Variants in DIPK2B observed in about 807,000 individuals in gnomAD.
DIPK2B encodes the protein UPF0672 protein CXorf36.
In DIPK2B, 15 loss-of-function variants were observed where a neutral mutation model predicts 22.2. The ratio of observed to expected loss-of-function variants is 0.68; its 90% CI spans 0.45 to 1.04. The LOEUF (loss-of-function observed/expected upper bound fraction) is 1.04. Among genes scored for constraint, DIPK2B ranks in the 50% least tolerant of loss-of-function variants. The pLI, the probability that DIPK2B is intolerant of heterozygous loss-of-function variation, is 0.00. For synonymous variants in DIPK2B, 163 were observed against 153.2 expected, an observed-to-expected ratio of 1.06 and a Z score of -0.47; for missense variants, 345 against 348.3, an observed-to-expected ratio of 0.99 and a Z score of 0.08.
chrX:45,178,269 C>T lies in DIPK2B; in HGVS notation c.498+13482G>A, dbSNP rs142670366. ...AATGCCAAAGCATTTTAGAATAAAG[C>T]CGGATTCTCAAAATTAAGAAAGATG... On this transcript the variant is annotated intron_variant, in intron 2 of 4. Coordinates refer to ENST00000398000, the MANE Select transcript of DIPK2B (RefSeq NM_176819.4). Among the ~76,000 whole-genome samples the T allele has an allele frequency of 6.9e-3, 774 of 111,798 alleles. 8 individuals carry two copies. The highest frequency in any genetic ancestry group is 0.024 in the African/African-American group (737 of 30,780).
rs757375184 is a variant in DIPK2B, at chrX:45,155,961, C to CTTTTTTTTTTTTTTT, written c.672+1739_672+1753dup. On this transcript the variant is annotated intron_variant, in intron 3 of 4. Coordinates refer to ENST00000398000, the MANE Select transcript of DIPK2B (RefSeq NM_176819.4). Reference sequence around the variant, plus strand: ...AGTTTCCCCTGCCTAAAGGGGACCTCTTTTTTTTTTTTTTTTTTTTTTTTA... The same window carrying CTTTTTTTTTTTTTTT: ...AGTTTCCCCTGCCTAAAGGGGACCTCTTTTTTTTTTTTTTTTTTTTTTTTTTTTTTTTTTTTTTTA... Among the ~76,000 whole-genome samples the CTTTTTTTTTTTTTTT allele has an allele frequency of 1.2e-3, 66 of 55,255 alleles. 5 individuals carry two copies. Among genetic ancestry groups the CTTTTTTTTTTTTTTT allele is most frequent in the African/African-American group, 4.7e-3 (65 of 13,758 alleles). The allele number at this position is 55,255 out of a possible 115,157, so 48.0% of individuals were successfully genotyped here. A position where few individuals can be genotyped will look rare whatever the true frequency, so the allele number is the denominator to read the frequency against.
At chrX:45,198,929 C>T (rs990224352) in intron 1 of DIPK2B, among the ~76,000 whole-genome samples, 1 of 111,235 alleles carries the variant, frequency 9.0e-6, no homozygotes, top group Non-Finnish European at 1.9e-5. Flanking sequence ...TGACTTGTGT[C>T]CTGGACTATG....
intron 2 of DIPK2B, among the ~76,000 whole-genome samples, chrX:45,160,293 C>T (rs771256258): frequency 1.0e-4 from 11 of 110,317 alleles, no homozygotes; most frequent in South Asian, 3.9e-4. Flanking sequence ...CTGCAACCTC[C>T]GGCTCCCAGG....
chrX:45,191,689 A>T, intron 2 of DIPK2B, 62 bp downstream of exon 2: 1 of 1,101,308 alleles, frequency 9.1e-7, no homozygotes, highest in South Asian at 2.1e-5. Context: ...GATGGGAATG[A>T]ATCTCTCTCT....
chrX:45,194,804 A>G (rs1254342312), intron 1 of DIPK2B, among the ~76,000 whole-genome samples: 1 of 112,529 alleles, frequency 8.9e-6, no homozygotes, highest in Admixed American at 9.4e-5. Context: ...CTGAAGACTC[A>G]CAGACAATTA....
chrX:45,171,656 A>G (rs1252521932), intron 2 of DIPK2B, among the ~76,000 whole-genome samples: 1 of 111,426 alleles, frequency 9.0e-6, no homozygotes, highest in African/African-American at 3.3e-5. Flanking sequence ...TCTGTCATTG[A>G]CATTTCCCTG....
chrX:45,177,902 C>A (rs2047127458), intron 2 of DIPK2B, among the ~76,000 whole-genome samples: 1 of 111,332 alleles, frequency 9.0e-6, no homozygotes, highest in Admixed American at 9.6e-5. Flanking sequence ...GATGTCATAT[C>A]CATTCATTTA....
Position 45,153,906 on chromosome X carries a change from G to A in DIPK2B, c.961+4C>T. On this transcript the variant is annotated splice_donor_region_variant and intron_variant, in intron 4 of 4. Transcript: ENST00000398000. ...AGCTGCTCAGCCAGGCCCATGCTGA[G>A]TACCTTCCTGCTTGTCGATGACGCC... The A allele has an allele frequency of 1.7e-6, 2 of 1,207,377 alleles. No individual in the cohort carries two copies. The highest frequency in any genetic ancestry group is 2.3e-4 in the Middle Eastern group (1 of 4,268).
chrX:45,184,577 G>T (rs936610434), intron 2 of DIPK2B, among the ~76,000 whole-genome samples: 2 of 111,843 alleles, frequency 1.8e-5, no homozygotes, highest in South Asian at 7.5e-4. Context: ...CACACAAAAG[G>T]TTTATAAATT....
chrX:45,172,566 C>A (rs1160460241), intron 2 of DIPK2B, among the ~76,000 whole-genome samples: 1 of 111,415 alleles, frequency 9.0e-6, no homozygotes, highest in African/African-American at 3.3e-5. Flanking sequence ...TCGCCTCCCA[C>A]TTTGTCCACC....
At position 45,187,468 on chromosome X, in the gene DIPK2B, GCACACACACACA is replaced by G. The variant is rs34308256; in HGVS notation, c.498+4271_498+4282del. ...TACACATGCTCGAGGGCGCGCGCGC[GCACACACACACA>G]CACACACACACACACACACACACAC... On this transcript the variant is annotated intron_variant, in intron 2 of 4. Coordinates refer to ENST00000398000, the MANE Select transcript of DIPK2B (RefSeq NM_176819.4). Among the ~76,000 whole-genome samples, 368 of 98,490 alleles carry G rather than the reference GCACACACACACA, an allele frequency of 3.7e-3. 1 individual carries two copies. The highest frequency in any genetic ancestry group is 0.012 in the African/African-American group (337 of 27,410). The allele number at this position is 98,490 out of a possible 115,157, so 85.5% of individuals were successfully genotyped here. A position where few individuals can be genotyped will look rare whatever the true frequency, so the allele number is the denominator to read the frequency against.
At chrX:45,184,178 G>A (rs945244432) in intron 2 of DIPK2B, among the ~76,000 whole-genome samples, 2 of 111,336 alleles carry the variant, frequency 1.8e-5, no homozygotes, top group Non-Finnish European at 3.8e-5. Context: ...CAGGATTTAG[G>A]AGCTGCGTGT....
intron 2 of DIPK2B, among the ~76,000 whole-genome samples, chrX:45,178,537 G>A (rs754781686): frequency 7.2e-5 from 8 of 111,544 alleles, no homozygotes; most frequent in South Asian, 3.7e-4. Context: ...GGATACACAC[G>A]AGGTAAGCCC....
intron 2 of DIPK2B, among the ~76,000 whole-genome samples, chrX:45,160,808 G>T (rs1018599443): frequency 2.7e-5 from 3 of 112,033 alleles, no homozygotes; most frequent in Non-Finnish European, 5.6e-5. Context: ...GCTTTAAGCA[G>T]ATACGCATTT....
At position 45,200,815 on chromosome X, in the gene DIPK2B, C is replaced by G. The variant is rs747141110; in HGVS notation, c.12G>C (p.Gln4His). The G allele has an allele frequency of 1.7e-6, 2 of 1,184,137 alleles. No individual in the cohort carries two copies. The highest frequency in any genetic ancestry group is 3.7e-5 in the South Asian group (2 of 54,400). MEP[Q>H]LGPEAAALRP... Reference sequence around the variant, plus strand: ...GGAGGGCGGCAGCCTCAGGCCCCAGCTGGGGCTCCATCTTGGGCTCTGGGC... The same window carrying G: ...GGAGGGCGGCAGCCTCAGGCCCCAGGTGGGGCTCCATCTTGGGCTCTGGGC... Residue 4 changes from glutamine (Q) to histidine (H), a missense_variant, in exon 1 of 5, where the codon CAG becomes CAC. Gln to His is a conservative substitution (Grantham distance 24). Transcript: ENST00000398000.
rs1186455181 is a variant in DIPK2B at position 45,191,837 on chromosome X, T to A, written c.412A>T (p.Thr138Ser). 2.4e-5 allele frequency: 29 copies of A among 1,210,468 alleles called. No homozygotes were observed. In the Admixed American group the frequency reaches 5.7e-4, roughly 24 times the overall value. Residue 138 changes from threonine (T) to serine (S), a missense_variant, in exon 2 of 5, where the codon ACC becomes TCC. Transcript: ENST00000398000. ...RICASASAPK[T>S]CSIERVLRKT... ...CGCAGGACACGCTCAATGCTGCAGG[T>A]CTTTGGGGCTGATGCAGAGGCACAG...
Position 45,151,702 on chromosome X carries a change from A to C in DIPK2B, c.1252T>G (p.Ser418Ala). The change falls in exon 5 of 5, where the codon TCC becomes GCC. Residue 418 changes from serine (S) to alanine (A), a missense_variant. By Grantham distance (99) the Ser-to-Ala change is moderately conservative. Coordinates refer to ENST00000398000, the MANE Select transcript of DIPK2B (RefSeq NM_176819.4). Reference protein sequence around the residue: ...DILRPLRTCDSRFAYRYPDCK... With the variant: ...DILRPLRTCDARFAYRYPDCK... ...TCTGGGTAACGATAGGCAAATCTGG[A>C]GTCACACGTTCTCAGGGGCCTCAAG... 1 of 1,211,904 alleles carries C rather than the reference A, an allele frequency of 8.3e-7. No homozygotes were observed. Among genetic ancestry groups the C allele is most frequent in the Non-Finnish European group, 1.1e-6 (1 of 895,491 alleles).
At chrX:45,187,662 C>T (rs958405251) in intron 2 of DIPK2B, among the ~76,000 whole-genome samples, 1 of 111,779 alleles carries the variant, frequency 8.9e-6, no homozygotes, top group African/African-American at 3.3e-5. Context: ...CCTGGCTCAG[C>T]CTCTGATGAT....
chrX:45,199,301 G>T (rs1226988019), intron 1 of DIPK2B, among the ~76,000 whole-genome samples: 1 of 111,762 alleles, frequency 8.9e-6, no homozygotes, highest in Non-Finnish European at 1.9e-5. Flanking sequence ...AATGCCTTTT[G>T]TTTGGTCACC....
Sources: gnomAD v4.1 joint callset for allele counts (sites outside exome capture counted in the v4.1 genomes callset) on GRCh38, gnomAD v4.1.1 for gene constraint, MANE v1.5 for transcripts, NCBI Gene and HGNC (gene_info 2026-07-23, HGNC 2026-07-21) for gene names.